NSD1: variants seen among roughly 807,000 people sequenced by gnomAD.
The protein encoded by NSD1 is nuclear receptor binding SET domain protein 1.
In NSD1, 26 loss-of-function variants were observed where a neutral mutation model predicts 242.7. That is an observed-to-expected ratio of 0.11 (90% CI 0.08 to 0.15). The LOEUF (loss-of-function observed/expected upper bound fraction) is 0.15. Ranked by LOEUF, NSD1 falls within the 10% of genes least tolerant of loss-of-function variation. The pLI, the probability that NSD1 is intolerant of heterozygous loss-of-function variation, is 1.00. For missense variants in NSD1, 2,495 were observed against 3,272.8 expected, an observed-to-expected ratio of 0.76 and a Z score of 5.80; for synonymous variants, 1,106 against 1,178.1, an observed-to-expected ratio of 0.94 and a Z score of 1.25.
intron 2 of NSD1, among the ~76,000 whole-genome samples, chr5:177,141,087 A>G (rs886952745): frequency 6.6e-6 from 1 of 151,902 alleles, no homozygotes; most frequent in Non-Finnish European, 1.5e-5. Context: ...CAGTGGGGCG[A>G]TCTCGGCTCA....
intron 5 of NSD1, among the ~76,000 whole-genome samples, chr5:177,223,300 G>A (rs1437101541): frequency 2.0e-5 from 3 of 151,930 alleles, no homozygotes; most frequent in African/African-American, 7.3e-5. Context: ...GGCCGGGCAC[G>A]GTGGCTCACA....
At chr5:177,291,329 T>G (rs1263821908) in intron 21 of NSD1, among the ~76,000 whole-genome samples, 1 of 152,146 alleles carries the variant, frequency 6.6e-6, no homozygotes, top group Non-Finnish European at 1.5e-5. Context: ...CACACAGAAG[T>G]CTAGTTTAGT....
At chr5:177,156,086 C>T (rs1758109044) in intron 2 of NSD1, among the ~76,000 whole-genome samples, 1 of 151,258 alleles carries the variant, frequency 6.6e-6, no homozygotes. Flanking sequence ...CCCTAAATAC[C>T]TTCGAATATG....
chr5:177,293,865 T>C lies in NSD1; in HGVS notation c.6497T>C (p.Ile2166Thr). 1 of 1,614,134 alleles carries C rather than the reference T, an allele frequency of 6.2e-7. No homozygotes were observed. Residue 2166 changes from isoleucine (I) to threonine (T), a missense_variant, in exon 23 of 23, where the codon ATC becomes ACC. By Grantham distance (89) the Ile-to-Thr change is moderately conservative. This residue lies in a region of NSD1 where 33 missense variants were observed against 134.8 expected (regional missense o/e 0.24). Coordinates refer to ENST00000439151, the MANE Select transcript of NSD1 (RefSeq NM_022455.5). ...GAATGTCCGTGGCATCAGTGTGACATCTGCGGGAAGGAAGCAGCCTCCTTC... is the reference window on the plus strand; with the variant it reads ...GAATGTCCGTGGCATCAGTGTGACACCTGCGGGAAGGAAGCAGCCTCCTTC... ...KWECPWHQCD[I>T]CGKEAASFCE...
upstream of NSD1, among the ~76,000 whole-genome samples, chr5:177,132,813 G>C (rs1287603161): frequency 6.6e-6 from 1 of 152,054 alleles, no homozygotes; most frequent in African/African-American, 2.4e-5. This position sits in a 1 kb window ranked among gnomAD's most constrained non-coding sequence, Gnocchi z 7.5. Flanking sequence ...GATGGGGGGA[G>C]GGGGAAGGGA....
At chr5:177,241,599 T>C (rs1294769456) in intron 8 of NSD1, among the ~76,000 whole-genome samples, 1 of 152,170 alleles carries the variant, frequency 6.6e-6, no homozygotes, top group Non-Finnish European at 1.5e-5. Context: ...ACTTAATAAC[T>C]CTTCGTCACG....
intron 13 of NSD1, among the ~76,000 whole-genome samples, chr5:177,258,141 T>G (rs1756680937): frequency 4.6e-5 from 7 of 150,998 alleles, no homozygotes; most frequent in Admixed American, 4.6e-4. Context: ...CCACCATGCC[T>G]CGCTAATTTT....
intron 5 of NSD1, among the ~76,000 whole-genome samples, chr5:177,212,652 C>T (rs1029744327): frequency 6.6e-5 from 10 of 152,102 alleles, no homozygotes; most frequent in Admixed American, 3.9e-4. Flanking sequence ...CTTTTAAAAT[C>T]CCCAAGCTTT....
At chr5:177,253,242 T>C (rs1756151724) in intron 12 of NSD1, among the ~76,000 whole-genome samples, 1 of 152,162 alleles carries the variant, frequency 6.6e-6, no homozygotes. Flanking sequence ...AGGAAGACAG[T>C]ACCTAAAGGG....
At chr5:177,151,645 T>A (rs1757707936) in intron 2 of NSD1, among the ~76,000 whole-genome samples, 1 of 151,718 alleles carries the variant, frequency 6.6e-6, no homozygotes, top group South Asian at 2.1e-4. Flanking sequence ...CGCCTCGGCT[T>A]CCCAAAGTGC....
chr5:177,228,853 G>A (rs544616274), intron 5 of NSD1, among the ~76,000 whole-genome samples: 5 of 152,176 alleles, frequency 3.3e-5, no homozygotes, highest in African/African-American at 1.2e-4. Context: ...CAAATTTAAT[G>A]TGTTATGCAA....
chr5:177,200,432 G>A (rs186040147), intron 3 of NSD1, among the ~76,000 whole-genome samples: 5 of 152,122 alleles, frequency 3.3e-5, no homozygotes, highest in South Asian at 2.1e-4. Flanking sequence ...ACCTTTCCTC[G>A]CCTAATGTTT....
intron 17 of NSD1, among the ~76,000 whole-genome samples, chr5:177,276,602 C>T (rs1288471542): frequency 6.6e-6 from 1 of 152,112 alleles, no homozygotes; most frequent in Non-Finnish European, 1.5e-5. Context: ...GAGCCTCCCA[C>T]GGTGAGCCAC....
At position 177,212,152 on chromosome 5, in the gene NSD1, A is replaced by G; in HGVS notation, c.3753A>G (p.Pro1251=). Residue 1251 remains proline (P), a synonymous_variant, in exon 5 of 23, where the codon CCA becomes CCG. Transcript: ENST00000439151. ...GCATTGGTGACATGGAAAAGGAGCCAGGAATTCCCAGTTTGACACCACAGG... is the reference window on the plus strand; with the variant it reads ...GCATTGGTGACATGGAAAAGGAGCCGGGAATTCCCAGTTTGACACCACAGG... ...SASIGDMEKE[P]GIPSLTPQAE... is the part of the protein sequence containing the mutation. 6.2e-7 allele frequency: 1 copy of G among 1,613,996 alleles called. No individual in the cohort carries two copies.
rs533574446 is a variant in NSD1 at position 177,218,802 on chromosome 5, C to T, written c.3796+6607C>T. ...GCCAGGATGGTCTCCATCTCCTGAC[C>T]TTGTGATCCGCCCTCCTCGGCCTCT... On this transcript the variant is annotated intron_variant, in intron 5 of 22. Coordinates refer to ENST00000439151, the MANE Select transcript of NSD1 (RefSeq NM_022455.5). 8.8e-4 allele frequency among the ~76,000 whole-genome samples: 133 copies of T among 151,908 alleles called. 1 individual carries two copies. Among genetic ancestry groups the T allele is most frequent in the African/African-American group, 3.1e-3 (129 of 41,452 alleles).
intron 5 of NSD1, among the ~76,000 whole-genome samples, chr5:177,223,516 T>A (rs146220726): frequency 0.017 from 2,534 of 151,758 alleles, 26 homozygotes; most frequent in Non-Finnish European, 0.025. Flanking sequence ...GAAGTTGCAG[T>A]GAGCTGATAT....
In NSD1 at chr5:177,192,025, A is replaced by G; in HGVS notation, c.1063+6A>G. On this transcript the variant is annotated splice_donor_region_variant and intron_variant, in intron 3 of 22. Coordinates refer to ENST00000439151, the MANE Select transcript of NSD1 (RefSeq NM_022455.5). ...CACACATTCAAAAATGAAAGGTAAT[A>G]CTTGCAGTGATTATACATGTTAAAG... 6.2e-7 allele frequency: 1 copy of G among 1,613,900 alleles called. No individual in the cohort carries two copies. Among genetic ancestry groups the G allele is most frequent in the Non-Finnish European group, 8.5e-7 (1 of 1,179,828 alleles).
intron 15 of NSD1, among the ~76,000 whole-genome samples, 173 bp downstream of exon 15, chr5:177,267,891 A>G (rs1757627894): frequency 1.3e-5 from 2 of 150,934 alleles, no homozygotes; most frequent in Non-Finnish European, 1.5e-5. Context: ...ATGATTTACA[A>G]TTATAGGAAT....
chr5:177,133,439 G>C (rs957948431), upstream of NSD1, among the ~76,000 whole-genome samples: 9 of 151,836 alleles, frequency 5.9e-5, no homozygotes, highest in African/African-American at 1.9e-4. The surrounding 1 kb of genome is among the most constrained non-coding windows in gnomAD (Gnocchi z 6.2). Flanking sequence ...CACGACGCCC[G>C]CAGGCCCCGA....
Sources: allele counts gnomAD v4.1 joint callset (sites outside exome capture counted in the v4.1 genomes callset), GRCh38; gene constraint gnomAD v4.1.1; regional missense constraint gnomAD v4.1.1; non-coding constraint Gnocchi (gnomAD v3.1); transcripts MANE v1.5; gene names NCBI Gene and HGNC (gene_info 2026-07-23, HGNC 2026-07-21).